The following INPP5B variants were observed in gnomAD, a reference collection of about 807,000 sequenced individuals.
INPP5B encodes the protein type II inositol 1,4,5-trisphosphate 5-phosphatase.
A neutral mutation model predicts 118.5 loss-of-function variants in INPP5B; 90 were observed. The observed-to-expected ratio is 0.76, with a 90% CI of 0.64 to 0.90. INPP5B has a LOEUF of 0.90. INPP5B is among the 40% of genes least tolerant of loss of function. The pLI is 0.00. For missense variants in INPP5B, 984 were observed against 1,125.6 expected, an observed-to-expected ratio of 0.87 and a Z score of 1.80; for synonymous variants, 385 against 418.9, an observed-to-expected ratio of 0.92 and a Z score of 0.99.
chr1:37,915,168 C>G lies in INPP5B; in HGVS notation c.532+16745G>C, dbSNP rs72919780. 4.5e-3 allele frequency among the ~76,000 whole-genome samples: 681 copies of G among 152,298 alleles called. 6 individuals are homozygous for G. Among genetic ancestry groups the G allele is most frequent in the African/African-American group, 0.015 (643 of 41,550 alleles). ...ATAGACAGTGTTGACCCTTGAGGTG[C>G]CTTCCTCAGCCCAAGCAGCAACATA... is the stretch of plus-strand genomic sequence containing the variant. On this transcript the variant is annotated intron_variant, in intron 7 of 23. Transcript: ENST00000373024.
intron 7 of INPP5B, chr1:37,931,661 C>T (rs756438416): frequency 1.3e-6 from 2 of 1,521,984 alleles, no homozygotes; most frequent in African/African-American, 1.4e-5. Context: ...AGCTTCCCGC[C>T]GCCCGCCGAA....
chr1:37,918,554 T>G (rs1644949811), intron 7 of INPP5B, among the ~76,000 whole-genome samples: 1 of 152,220 alleles, frequency 6.6e-6, no homozygotes, highest in Admixed American at 6.5e-5. Flanking sequence ...GAATTTTGAG[T>G]GTCTTCCTGT....
At chr1:37,870,953 G>C (rs999252020) in intron 19 of INPP5B, among the ~76,000 whole-genome samples, 5 of 151,912 alleles carry the variant, frequency 3.3e-5, no homozygotes, top group Admixed American at 1.3e-4. Flanking sequence ...TCAGGAGTTC[G>C]AGACCGGCCT....
chr1:37,888,416 A>T lies in INPP5B; in HGVS notation c.798-72T>A. The T allele has an allele frequency of 3.3e-6, 3 of 913,522 alleles. No homozygotes were observed. The South Asian group carries it at 7.3e-5, about 22-fold the overall frequency. 56.6% of individuals were successfully genotyped at this position (913,522 alleles called of 1,614,324 possible). ...TAACAGGAGAAAGCATTTTATGCTG[A>T]TTTATGCTGGTTTCCGTCTCTGTGG... On this transcript the variant is annotated intron_variant, in intron 9 of 23. Coordinates refer to ENST00000373024, the MANE Select transcript of INPP5B (RefSeq NM_005540.3).
intron 17 of INPP5B, among the ~76,000 whole-genome samples, chr1:37,875,363 G>A (rs550313044): frequency 1.3e-5 from 2 of 152,124 alleles, no homozygotes; most frequent in African/African-American, 4.8e-5. Context: ...CCACCTCCCA[G>A]GTTCACGTCA....
chr1:37,909,787 G>C (rs1473689400), intron 7 of INPP5B, among the ~76,000 whole-genome samples: 1 of 152,148 alleles, frequency 6.6e-6, no homozygotes, highest in Non-Finnish European at 1.5e-5. Context: ...AAGGGGTACA[G>C]TAATACAGAA....
chr1:37,934,345 C>T (rs530362174), intron 6 of INPP5B, among the ~76,000 whole-genome samples: 12 of 152,120 alleles, frequency 7.9e-5, no homozygotes, highest in African/African-American at 1.9e-4. Flanking sequence ...GAAGACCAAA[C>T]GGAGAAATAC....
intron 7 of INPP5B, chr1:37,931,399 G>A (rs1466034395): frequency 1.3e-5 from 19 of 1,468,610 alleles, no homozygotes; most frequent in Middle Eastern, 1.8e-4. Flanking sequence ...AGTGGCCCGA[G>A]GTCACACAGC....
At chr1:37,906,587 G>A (rs189993784) in intron 7 of INPP5B, among the ~76,000 whole-genome samples, 48 of 152,238 alleles carry the variant, frequency 3.2e-4, no homozygotes, top group Non-Finnish European at 1.5e-5. Flanking sequence ...TGGGCATGGT[G>A]GCTCACACCT....
intron 7 of INPP5B, among the ~76,000 whole-genome samples, chr1:37,894,697 G>T (rs537004961): frequency 6.6e-6 from 1 of 152,066 alleles, no homozygotes; most frequent in South Asian, 2.1e-4. Flanking sequence ...GAGTAGCTGG[G>T]ATTAGAGACA....
chr1:37,875,807 C>T, intron 16 of INPP5B, 91 bp from the exon 17 acceptor site: 2 of 793,284 alleles, frequency 2.5e-6, no homozygotes, highest in East Asian at 2.6e-5. Context: ...TGGGAAATAG[C>T]AGTTGATAGC....
At chr1:37,876,713 A>AAC (rs1642844950) in intron 16 of INPP5B, among the ~76,000 whole-genome samples, 1 of 148,462 alleles carries the variant, frequency 6.7e-6, no homozygotes. Context: ...CAAAAAAAAA[A>AAC]AAAAAAAAAA....
chr1:37,891,460 G>A lies in INPP5B; in HGVS notation c.533-6C>T, dbSNP rs779878343. 7 of 1,597,944 alleles carry A rather than the reference G, an allele frequency of 4.4e-6. No homozygotes were observed. Among genetic ancestry groups the A allele is most frequent in the Non-Finnish European group, 6.0e-6 (7 of 1,165,606 alleles). Reference sequence around the variant, plus strand: ...ACCATCAAAGTTAGAACCACCTAAAGGGAAGGAGAAGAAATTAAAATATAC... The same window carrying A: ...ACCATCAAAGTTAGAACCACCTAAAAGGAAGGAGAAGAAATTAAAATATAC... On this transcript the variant is annotated splice_polypyrimidine_tract_variant and splice_region_variant and intron_variant, in intron 7 of 23. Transcript: ENST00000373024.
Position 37,887,333 on chromosome 1 carries a change from C to A in INPP5B, c.1014+18G>T. ...GCATGGCAACATAAAATTAAGAGGTCCCTGACTCCTCTCTTACCTTTGCAT... is the reference window on the plus strand; with the variant it reads ...GCATGGCAACATAAAATTAAGAGGTACCTGACTCCTCTCTTACCTTTGCAT... On this transcript the variant is annotated intron_variant, in intron 11 of 23. Transcript: ENST00000373024. The A allele has an allele frequency of 7.1e-7, 1 of 1,399,452 alleles. No individual in the cohort carries two copies. Among genetic ancestry groups the A allele is most frequent in the South Asian group, 1.2e-5 (1 of 83,294 alleles). The allele number at this position is 1,399,452 out of a possible 1,614,324, so 86.7% of individuals were successfully genotyped here.
At chr1:37,867,102 C>T (rs1642095020) in intron 20 of INPP5B, among the ~76,000 whole-genome samples, 1 of 152,242 alleles carries the variant, frequency 6.6e-6, no homozygotes, top group East Asian at 1.9e-4. Context: ...CTTGGTGGTA[C>T]ATGCCTGTAA....
intron 16 of INPP5B, among the ~76,000 whole-genome samples, chr1:37,876,819 G>A (rs1275777043): frequency 2.6e-5 from 4 of 151,682 alleles, no homozygotes; most frequent in African/African-American, 2.4e-5. Context: ...GGCGGAGCTT[G>A]CAGTGAGCCG....
At chr1:37,899,739 G>T (rs1241403453) in intron 7 of INPP5B, among the ~76,000 whole-genome samples, 1 of 147,062 alleles carries the variant, frequency 6.8e-6, no homozygotes, top group African/African-American at 2.5e-5. Context: ...TTTTTTTATG[G>T]AGTCTTGCTC....
chr1:37,866,404 TCTCACACACA>T lies in INPP5B; in HGVS notation c.2386+45_2386+54del, dbSNP rs1399325172. ...CTCATATTCTCTCTCTCTCTCTCTC[TCTCACACACA>T]CACACACACACACACACACACAGAG... On this transcript the variant is annotated intron_variant, in intron 21 of 23. Coordinates refer to ENST00000373024, the MANE Select transcript of INPP5B (RefSeq NM_005540.3). The T allele has an allele frequency of 4.4e-4, 161 of 367,354 alleles. No homozygotes were observed. In the African/African-American group the frequency reaches 5.4e-3, roughly 12 times the overall value. The allele number at this position is 367,354 out of a possible 1,614,324, so 22.8% of individuals were successfully genotyped here. A position where few individuals can be genotyped will look rare whatever the true frequency, so the allele number is the denominator to read the frequency against.
chr1:37,890,316 A>G (rs902561726), intron 8 of INPP5B, among the ~76,000 whole-genome samples: 14 of 151,920 alleles, frequency 9.2e-5, no homozygotes, highest in African/African-American at 3.1e-4. Flanking sequence ...CGGAGGCTGC[A>G]GTGACTGGGT....
Sources: allele counts gnomAD v4.1 joint callset (sites outside exome capture counted in the v4.1 genomes callset), GRCh38; gene constraint gnomAD v4.1.1; transcripts MANE v1.5; gene names NCBI Gene and HGNC (gene_info 2026-07-23, HGNC 2026-07-21).